The following PARD3B variants were observed in gnomAD, a reference collection of about 807,000 sequenced individuals.
The protein encoded by PARD3B is par-3 family cell polarity regulator beta.
A neutral mutation model predicts 130.2 loss-of-function variants in PARD3B; 103 were observed. The ratio of observed to expected loss-of-function variants is 0.79; its 90% CI spans 0.67 to 0.93. The LOEUF (loss-of-function observed/expected upper bound fraction) is 0.93. Ranked by LOEUF, PARD3B falls within the 40% of genes least tolerant of loss-of-function variation. PARD3B has a pLI of 0.00. For missense variants in PARD3B, 1,609 were observed against 1,499.2 expected (o/e 1.07, Z -1.21); for synonymous variants, 583 against 553.2 (o/e 1.05, Z -0.76).
intron 4 of PARD3B, among the ~76,000 whole-genome samples, chr2:205,064,469 G>A (rs914145858): frequency 2.2e-4 from 34 of 152,126 alleles, no homozygotes; most frequent in African/African-American, 7.7e-4. Flanking sequence ...AAGCTTTAGG[G>A]AAAAAAAGTC....
chr2:204,672,212 T>C (rs1429653743), intron 1 of PARD3B, among the ~76,000 whole-genome samples: 1 of 152,254 alleles, frequency 6.6e-6, no homozygotes, highest in Non-Finnish European at 1.5e-5. Flanking sequence ...TGTTAGCTTT[T>C]ATTAGCAGGC....
At chr2:205,037,403 G>A (rs1698059589) in intron 3 of PARD3B, among the ~76,000 whole-genome samples, 1 of 144,740 alleles carries the variant, frequency 6.9e-6, no homozygotes, top group African/African-American at 2.5e-5. Context: ...TATATATAGT[G>A]GACTATATGT....
chr2:204,865,228 A>G (rs1379388436), intron 2 of PARD3B, among the ~76,000 whole-genome samples: 1 of 152,212 alleles, frequency 6.6e-6, no homozygotes, highest in East Asian at 1.9e-4. Flanking sequence ...TTAAAGAACT[A>G]AAAGTAGATC....
In PARD3B at chr2:205,287,777, G is replaced by T. The variant is rs979972090; in HGVS notation, c.2186-12753G>T. 1.7e-4 allele frequency among the ~76,000 whole-genome samples: 26 copies of T among 152,268 alleles called. No individual in the cohort carries two copies. The highest frequency in any genetic ancestry group is 5.8e-4 in the African/African-American group (24 of 41,552). ...TGACACTCTTGCTGTTTCTCTGTGC[G>T]CTTCTCTGAGGTAGAGTAAAGCAAG... On this transcript the variant is annotated intron_variant, in intron 16 of 22. Transcript: ENST00000406610. This position sits in a 1 kb window ranked among gnomAD's most constrained non-coding sequence, Gnocchi z 4.8.
At chr2:204,928,244 C>T (rs1687780483) in intron 2 of PARD3B, among the ~76,000 whole-genome samples, 1 of 152,046 alleles carries the variant, frequency 6.6e-6, no homozygotes, top group Non-Finnish European at 1.5e-5. Context: ...ACCTTGTTCT[C>T]ATAGTAGTGG....
intron 2 of PARD3B, among the ~76,000 whole-genome samples, chr2:204,899,329 G>T (rs1225403001): frequency 2.7e-5 from 4 of 148,646 alleles, no homozygotes; most frequent in Non-Finnish European, 5.9e-5. Flanking sequence ...AGTGTAGGTG[G>T]TTTTCTCTGC....
At chr2:204,788,129 A>T (rs981516427) in intron 2 of PARD3B, among the ~76,000 whole-genome samples, 1 of 152,216 alleles carries the variant, frequency 6.6e-6, no homozygotes, top group Non-Finnish European at 1.5e-5. Context: ...CTGAATATCC[A>T]CTTGTATTTT....
rs1575159660 is a variant in PARD3B, at chr2:204,863,257, T to C, written c.223-101895T>C. ...GCATCTCCACCTTCCAGTCTGATGC[T>C]TGTTGAATGAATTAATGCAGATACC... On this transcript the variant is annotated intron_variant, in intron 2 of 22. Transcript: ENST00000406610. 2.0e-5 allele frequency among the ~76,000 whole-genome samples: 3 copies of C among 152,270 alleles called. No individual in the cohort carries two copies. The East Asian group carries it at 5.8e-4, about 29-fold the overall frequency.
At chr2:204,791,769 A>G (rs972880851) in intron 2 of PARD3B, among the ~76,000 whole-genome samples, 1 of 152,210 alleles carries the variant, frequency 6.6e-6, no homozygotes, top group African/African-American at 2.4e-5. Context: ...TATTTCATTA[A>G]CCTTGTCTAC....
Position 205,591,450 on chromosome 2 carries a change from A to G in PARD3B, c.3261-24006A>G, listed in dbSNP as rs1267490636. 6.6e-6 allele frequency among the ~76,000 whole-genome samples: 1 copy of G among 152,240 alleles called. No homozygotes were observed. The highest frequency in any genetic ancestry group is 2.4e-5 in the African/African-American group (1 of 41,462). On this transcript the variant is annotated intron_variant, in intron 22 of 22. Transcript: ENST00000406610. This position sits in a 1 kb window ranked among gnomAD's most constrained non-coding sequence, Gnocchi z 4.2. ...ATAATAATAACTGCCTACCATTATC[A>G]GTCACTTACCACACCCATGCACCAT...
In PARD3B at chr2:205,121,947, A is replaced by G. The variant is rs770806856; in HGVS notation, c.1163A>G (p.Lys388Arg). The change falls in exon 8 of 23, where the codon AAA becomes AGA. Residue 388 changes from lysine (K) to arginine (R), a missense_variant and splice_region_variant. Coordinates refer to ENST00000406610, the MANE Select transcript of PARD3B (RefSeq NM_001302769.2). This position sits in a 1 kb window ranked among gnomAD's most constrained non-coding sequence, Gnocchi z 5.0. Reference sequence around the variant, plus strand: ...AAGAAAATTAAGATTGACCTAAAGAAAGGTAATTATTAAATTATGCCTAAT... The same window carrying G: ...AAGAAAATTAAGATTGACCTAAAGAGAGGTAATTATTAAATTATGCCTAAT... Reference protein sequence around the residue: ...NAKKIKIDLKKGPEGLGFTVV... With the variant: ...NAKKIKIDLKRGPEGLGFTVV... 3 of 1,596,826 alleles carry G rather than the reference A, an allele frequency of 1.9e-6. No homozygotes were observed.
At chr2:205,247,447 A>G (rs753934640) in intron 16 of PARD3B, among the ~76,000 whole-genome samples, 9 of 152,204 alleles carry the variant, frequency 5.9e-5, no homozygotes, top group Non-Finnish European at 1.3e-4. Flanking sequence ...TTAGTCAAAA[A>G]TGGCAGAATT....
chr2:204,750,188 T>C (rs1362784186), intron 2 of PARD3B, among the ~76,000 whole-genome samples: 3 of 152,210 alleles, frequency 2.0e-5, no homozygotes, highest in African/African-American at 4.8e-5. Flanking sequence ...GTTTCTGTTA[T>C]CATTTGGAAA....
intron 2 of PARD3B, among the ~76,000 whole-genome samples, chr2:204,712,470 G>T (rs1574781934): frequency 6.6e-6 from 1 of 151,888 alleles, no homozygotes; most frequent in Admixed American, 6.6e-5. Flanking sequence ...AATTATCCGG[G>T]TGTGGTGGCA....
chr2:205,087,859 A>G (rs137943366), intron 4 of PARD3B, among the ~76,000 whole-genome samples: 67 of 152,340 alleles, frequency 4.4e-4, no homozygotes, highest in Non-Finnish European at 6.3e-4. Context: ...AGCTATTCAG[A>G]CAGAATGGGT....
intron 3 of PARD3B, among the ~76,000 whole-genome samples, chr2:205,043,939 A>T (rs13016754): frequency 6.7e-6 from 1 of 148,558 alleles, no homozygotes; most frequent in African/African-American, 2.5e-5. Flanking sequence ...TATATCTCCC[A>T]ATGCTATCCC....
At chr2:204,996,339 C>CG (rs1460697388) in intron 3 of PARD3B, among the ~76,000 whole-genome samples, 2 of 151,954 alleles carry the variant, frequency 1.3e-5, no homozygotes, top group Non-Finnish European at 2.9e-5. Flanking sequence ...AATACCCTCC[C>CG]GTGTGAGGTG....
intron 1 of PARD3B, among the ~76,000 whole-genome samples, chr2:204,602,029 C>T (rs1366040914): frequency 6.6e-6 from 1 of 151,980 alleles, no homozygotes; most frequent in African/African-American, 2.4e-5. Flanking sequence ...GACTTTGATC[C>T]TGTCATTACA....
At chr2:204,565,613 A>G (rs1173148417) in intron 1 of PARD3B, among the ~76,000 whole-genome samples, 1 of 152,252 alleles carries the variant, frequency 6.6e-6, no homozygotes, top group East Asian at 1.9e-4. Flanking sequence ...TGGTGGATAC[A>G]GGTGTTAAAA....
Sources: gnomAD v4.1 joint callset for allele counts (sites outside exome capture counted in the v4.1 genomes callset) on GRCh38, gnomAD v4.1.1 for gene constraint, Gnocchi (gnomAD v3.1) non-coding constraint, MANE v1.5 for transcripts, NCBI Gene and HGNC (gene_info 2026-07-23, HGNC 2026-07-21) for gene names.